Variants in PSEN2 observed in about 807,000 individuals in gnomAD.
PSEN2 encodes presenilin 2.
Under a neutral mutation model 49.1 loss-of-function variants are expected in PSEN2, and 32 were observed. The observed-to-expected ratio is 0.65, with a 90% CI of 0.49 to 0.88. The LOEUF is 0.88. Among genes scored for constraint, PSEN2 ranks in the 40% least tolerant of loss-of-function variants. The pLI, the probability that PSEN2 is intolerant of heterozygous loss-of-function variation, is 0.00. For missense variants in PSEN2, 522 were observed against 586.9 expected, an observed-to-expected ratio of 0.89 and a Z score of 1.14; for synonymous variants, 255 against 244.0, an observed-to-expected ratio of 1.05 and a Z score of -0.42.
chr1:226,895,603 C>T lies in PSEN2; in HGVS notation c.*24C>T. The T allele has an allele frequency of 6.2e-7, 1 of 1,602,446 alleles. No homozygotes were observed. The highest frequency in any genetic ancestry group is 8.5e-7 in the Non-Finnish European group (1 of 1,173,934). The stretch of plus-strand genomic sequence containing the variant: ...GAGGGACATGGTGTGCCACAGGCTG[C>T]AAGCTGCAGGGAATTTTCATTGGAT... On this transcript the variant is annotated 3_prime_UTR_variant, in exon 13 of 13. Transcript: ENST00000366783.
rs1401090704 is a variant in PSEN2 at position 226,888,148 on chromosome 1, A to G, written c.556A>G (p.Ile186Val). The stretch of plus-strand genomic sequence containing the variant: ...GATGCTGCTGTTCCTCTTCACCTAT[A>G]TCTACCTTGGGTAAGTGACAGATAA... ...SLMLLFLFTY[I>V]YLGEVLKTYN... The change falls in exon 7 of 13, where the codon ATC (isoleucine) becomes GTC (valine). Residue 186 changes from isoleucine to valine, a missense_variant. Physicochemically the swap from Ile to Val is conservative, Grantham distance 29. Transcript: ENST00000366783. The G allele has an allele frequency of 2.5e-6, 4 of 1,612,638 alleles. No individual in the cohort carries two copies. Among genetic ancestry groups the G allele is most frequent in the Admixed American group, 1.7e-5 (1 of 60,014 alleles).
chr1:226,900,636 T>A (rs1303342873), downstream of PSEN2, among the ~76,000 whole-genome samples: 1 of 151,856 alleles, frequency 6.6e-6, no homozygotes, highest in Non-Finnish European at 1.5e-5. Context: ...GGAGGAAGGG[T>A]CCGGTCTGAG....
intron 3 of PSEN2, chr1:226,880,386 A>T (rs1485006795): frequency 1.4e-6 from 1 of 729,704 alleles, no homozygotes; most frequent in African/African-American, 1.8e-5. Flanking sequence ...TAGAAATAAA[A>T]ATAAAAAAAA....
Position 226,891,793 on chromosome 1 carries a change from G to C in PSEN2, c.1021G>C (p.Glu341Gln). Reference protein sequence around the residue: ...FGEPSYPEVFEPPLTGYPGEE... With the variant: ...FGEPSYPEVFQPPLTGYPGEE... ...GGAGCCTTCATACCCCGAAGTCTTT[G>C]AGCCTCCCTTGACTGGCTACCCAGG... Residue 341 changes from glutamate (E) to glutamine (Q), a missense_variant, in exon 11 of 13, where the codon GAG becomes CAG. Coordinates refer to ENST00000366783, the MANE Select transcript of PSEN2 (RefSeq NM_000447.3). The C allele has an allele frequency of 1.2e-6, 2 of 1,614,170 alleles. No individual in the cohort carries two copies. Among genetic ancestry groups the C allele is most frequent in the Non-Finnish European group, 1.7e-6 (2 of 1,180,036 alleles).
At position 226,883,835 on chromosome 1, in the gene PSEN2, T is replaced by C; in HGVS notation, c.272T>C (p.Leu91Pro). The change falls in exon 5 of 13, where the codon CTG (leucine) becomes CCG (proline). Residue 91 changes from leucine (L) to proline (P), a missense_variant. Transcript: ENST00000366783. The stretch of plus-strand genomic sequence containing the variant: ...TACGGAGCGAAGCACGTGATCATGC[T>C]GTTTGTGCCTGTCACTCTGTGCATG... Reference protein sequence around the residue: ...LKYGAKHVIMLFVPVTLCMIV... With the variant: ...LKYGAKHVIMPFVPVTLCMIV... 6.2e-7 allele frequency: 1 copy of C among 1,614,034 alleles called. No individual in the cohort carries two copies. Among genetic ancestry groups the C allele is most frequent in the Non-Finnish European group, 8.5e-7 (1 of 1,180,008 alleles).
intron 3 of PSEN2, among the ~76,000 whole-genome samples, chr1:226,881,636 C>T (rs185396731): frequency 1.9e-3 from 293 of 152,322 alleles, no homozygotes; most frequent in African/African-American, 6.0e-3. Flanking sequence ...CCCTGACTTT[C>T]GTGGCTATGC....
At position 226,893,547 on chromosome 1, in the gene PSEN2, G is replaced by C. The variant is rs564294405; in HGVS notation, c.1073-460G>C. Among the ~76,000 whole-genome samples the C allele has an allele frequency of 5.9e-5, 9 of 152,264 alleles. No homozygotes were observed. The South Asian group carries it at 6.2e-4, about 11-fold the overall frequency. On this transcript the variant is annotated intron_variant, in intron 11 of 12. Coordinates refer to ENST00000366783, the MANE Select transcript of PSEN2 (RefSeq NM_000447.3). Reference sequence around the variant, plus strand: ...TCAGTAATGGGTAGACTAATTCCCAGTTATATTTACCTGTTGTAAGGTGAA... The same window carrying C: ...TCAGTAATGGGTAGACTAATTCCCACTTATATTTACCTGTTGTAAGGTGAA...
At chr1:226,891,208 A>G in intron 9 of PSEN2, 70 bp from the exon 10 acceptor site, 1 of 1,383,748 alleles carries the variant, frequency 7.2e-7, no homozygotes. Flanking sequence ...CAGACTGGCC[A>G]CCTCCCCCAG....
At position 226,891,797 on chromosome 1, in the gene PSEN2, C is replaced by A. The variant is rs1334646336; in HGVS notation, c.1025C>A (p.Pro342His). ...CCTTCATACCCCGAAGTCTTTGAGC[C>A]TCCCTTGACTGGCTACCCAGGGGAG... ...GEPSYPEVFEPPLTGYPGEEL... is the reference protein window; with the variant it reads ...GEPSYPEVFEHPLTGYPGEEL... Residue 342 changes from proline to histidine, a missense_variant, in exon 11 of 13, where the codon CCT (proline) becomes CAT (histidine). Physicochemically the swap from Pro to His is moderately conservative, Grantham distance 77. Transcript: ENST00000366783. The A allele has an allele frequency of 6.2e-7, 1 of 1,614,186 alleles. No individual in the cohort carries two copies. Among genetic ancestry groups the A allele is most frequent in the Non-Finnish European group, 8.5e-7 (1 of 1,180,026 alleles).
chr1:226,897,669 G>C (rs1662197373), downstream of PSEN2: 1 of 155,280 alleles, frequency 6.4e-6, no homozygotes, highest in African/African-American at 2.4e-5. Context: ...TCAAACACCT[G>C]TATCTCCCCC....
At chr1:226,901,262 T>TC (rs1383307756), downstream of PSEN2, among the ~76,000 whole-genome samples, 2 of 151,838 alleles carry the variant, frequency 1.3e-5, no homozygotes, top group Non-Finnish European at 2.9e-5. Flanking sequence ...ATGGTGAAAC[T>TC]CCGTCTCTAC....
Position 226,889,990 on chromosome 1 carries a change from G to C in PSEN2, c.788-45G>C, listed in dbSNP as rs143259081. 2,220 of 1,505,814 alleles carry C rather than the reference G, an allele frequency of 1.5e-3. 19 individuals carry two copies. The African/African-American group carries it at 0.023, about 16-fold the overall frequency. 93.3% of individuals were successfully genotyped at this position (1,505,814 alleles called of 1,614,324 possible). A position where few individuals can be genotyped will look rare whatever the true frequency, so the allele number is the denominator to read the frequency against. ...GCTACAGGGCAGGCTCTTCTTCAGG[G>C]GGCTGCCCGGGGATAGTTTGACAAG... On this transcript the variant is annotated intron_variant, in intron 8 of 12. Coordinates refer to ENST00000366783, the MANE Select transcript of PSEN2 (RefSeq NM_000447.3).
intron 3 of PSEN2, among the ~76,000 whole-genome samples, chr1:226,878,254 A>AT (rs1285647422): frequency 2.0e-5 from 3 of 151,886 alleles, no homozygotes; most frequent in Non-Finnish European, 4.4e-5. Flanking sequence ...TAATTTTTGT[A>AT]TTTTTATTAG....
chr1:226,881,960 C>T lies in PSEN2; in HGVS notation c.53C>T (p.Thr18Met), dbSNP rs143061887. The T allele has an allele frequency of 3.5e-5, 56 of 1,613,970 alleles. No individual in the cohort carries two copies. The highest frequency in any genetic ancestry group is 6.7e-5 in the African/African-American group (5 of 74,926). ...GAGGAAGAAGTGTGTGATGAGCGGA[C>T]GTCCCTAATGTCGGCTGAGAGCCCC... The part of the protein sequence containing the change: ...DSEEEVCDER[T>M]SLMSAESPTP... Residue 18 changes from threonine to methionine, a missense_variant, in exon 4 of 13, where the codon ACG becomes ATG. Coordinates refer to ENST00000366783, the MANE Select transcript of PSEN2 (RefSeq NM_000447.3).
chr1:226,890,216 G>A, intron 9 of PSEN2, 83 bp downstream of exon 9: 2 of 1,213,264 alleles, frequency 1.6e-6, no homozygotes, highest in Non-Finnish European at 2.5e-6. Context: ...CCTGGCCGTG[G>A]CTTTCAGAGT....
At chr1:226,874,490 G>A (rs887130771) in intron 2 of PSEN2, among the ~76,000 whole-genome samples, 1 of 151,992 alleles carries the variant, frequency 6.6e-6, no homozygotes, top group Non-Finnish European at 1.5e-5. Context: ...ATATGTTTAC[G>A]TGGCCATAGT....
intron 5 of PSEN2, chr1:226,884,668 C>A (rs1044198582): frequency 6.6e-6 from 1 of 151,488 alleles, no homozygotes; most frequent in Non-Finnish European, 1.5e-5. Context: ...AATCCCAGCA[C>A]TTTGGGAGAC....
chr1:226,885,889 A>G (rs530641432), intron 6 of PSEN2, among the ~76,000 whole-genome samples: 144 of 149,824 alleles, frequency 9.6e-4, no homozygotes, highest in African/African-American at 3.4e-3. Flanking sequence ...CTTTTTCTTG[A>G]AACATGGTCT....
chr1:226,881,845 C>CT (rs757163236), intron 3 of PSEN2, 43 bp from the exon 4 acceptor site: 1 of 1,613,056 alleles, frequency 6.2e-7, no homozygotes, highest in South Asian at 1.1e-5. Context: ...CTGCCTTTGT[C>CT]TCACAGGAAA....
Sources: allele counts gnomAD v4.1 joint callset (sites outside exome capture counted in the v4.1 genomes callset), GRCh38; gene constraint gnomAD v4.1.1; transcripts MANE v1.5; gene names NCBI Gene and HGNC (gene_info 2026-07-23, HGNC 2026-07-21).